GOLM2: variants seen among roughly 807,000 people sequenced by gnomAD.
The protein encoded by GOLM2 is protein GOLM2.
A neutral mutation model predicts 55.9 loss-of-function variants in GOLM2; 26 were observed. The ratio of observed to expected loss-of-function variants is 0.47; its 90% CI spans 0.34 to 0.65. The LOEUF (loss-of-function observed/expected upper bound fraction) is 0.65. Among genes scored for constraint, GOLM2 ranks in the 30% least tolerant of loss-of-function variants. The probability of loss-of-function intolerance (pLI) is 0.01; values close to 1 mark genes in which losing one functional copy is unlikely to be tolerated. For missense variants in GOLM2, 486 were observed against 531.8 expected, an observed-to-expected ratio of 0.91 and a Z score of 0.85; for synonymous variants, 165 against 194.6, an observed-to-expected ratio of 0.85 and a Z score of 1.27.
chr15:44,404,791 T>C (rs1266387403), intron 9 of GOLM2, among the ~76,000 whole-genome samples: 1 of 152,162 alleles, frequency 6.6e-6, no homozygotes, highest in Non-Finnish European at 1.5e-5. Flanking sequence ...CACAGTACTT[T>C]GCACATTGTC....
chr15:44,408,129 C>G (rs1237160524), intron 9 of GOLM2, among the ~76,000 whole-genome samples: 1 of 152,164 alleles, frequency 6.6e-6, no homozygotes, highest in African/African-American at 2.4e-5. Context: ...CTATGGATAT[C>G]TTTAAAATAT....
intron 5 of GOLM2, 46 bp downstream of exon 5, chr15:44,337,953 C>T: frequency 6.7e-7 from 1 of 1,498,478 alleles, no homozygotes; most frequent in Non-Finnish European, 9.0e-7. Context: ...AGGATATTGA[C>T]TTTTTCTTCC....
chr15:44,403,651 A>G (rs1051972978), intron 9 of GOLM2, among the ~76,000 whole-genome samples: 3 of 152,222 alleles, frequency 2.0e-5, no homozygotes, highest in African/African-American at 7.2e-5. Flanking sequence ...TAAATTGTTT[A>G]AAATGACTCT....
Position 44,413,643 on chromosome 15 carries a change from A to G in GOLM2, c.*237A>G. 2.5e-6 allele frequency: 1 copy of G among 406,432 alleles called. No homozygotes were observed. Among genetic ancestry groups the G allele is most frequent in the East Asian group, 4.3e-5 (1 of 23,278 alleles). The allele number at this position is 406,432 out of a possible 1,614,324, so 25.2% of individuals were successfully genotyped here. A position where few individuals can be genotyped will look rare whatever the true frequency, so the allele number is the denominator to read the frequency against. On this transcript the variant is annotated 3_prime_UTR_variant, in exon 10 of 10. Coordinates refer to ENST00000299957, the MANE Select transcript of GOLM2 (RefSeq NM_138423.4). ...GATACAGTTAAGCCAAAAACAGCTA[A>G]TCTTTGCATCTAAAGCAAACTAATG...
intron 6 of GOLM2, among the ~76,000 whole-genome samples, chr15:44,355,994 A>G (rs1426845854): frequency 2.0e-5 from 3 of 152,252 alleles, no homozygotes; most frequent in Non-Finnish European, 2.9e-5. Flanking sequence ...GGATCAAAGA[A>G]GAAATCTCAG....
At chr15:44,297,563 T>G (rs946838388) in intron 1 of GOLM2, among the ~76,000 whole-genome samples, 4 of 143,456 alleles carry the variant, frequency 2.8e-5, no homozygotes, top group South Asian at 2.4e-4. Flanking sequence ...TTTTTTTTTG[T>G]TTTTTTTTTT....
intron 1 of GOLM2, among the ~76,000 whole-genome samples, chr15:44,310,057 T>A (rs1225579286): frequency 6.6e-6 from 1 of 152,116 alleles, no homozygotes; most frequent in African/African-American, 2.4e-5. Flanking sequence ...CTAATTTTTG[T>A]ATTTTTTGTA....
At chr15:44,371,382 T>G (rs1354066894) in intron 6 of GOLM2, among the ~76,000 whole-genome samples, 2 of 152,210 alleles carry the variant, frequency 1.3e-5, no homozygotes, top group Non-Finnish European at 2.9e-5. Flanking sequence ...TTGTCCTTTT[T>G]AAATTAAATA....
At chr15:44,400,396 G>A (rs1041223400) in intron 8 of GOLM2, among the ~76,000 whole-genome samples, 5 of 151,112 alleles carry the variant, frequency 3.3e-5, no homozygotes, top group African/African-American at 9.7e-5. Context: ...TCAGTGAGCC[G>A]CAACCTCCGC....
At position 44,339,688 on chromosome 15, in the gene GOLM2, G is replaced by A. The variant is rs375516177; in HGVS notation, c.802+1371G>A. Among the ~76,000 whole-genome samples, 3 of 152,144 alleles carry A rather than the reference G, an allele frequency of 2.0e-5. No individual in the cohort carries two copies. In the East Asian group the frequency reaches 5.8e-4, roughly 29 times the overall value. ...CTCACTCTGTCACCCATGCTGGAGT[G>A]CAGTGGTGCAGTCATGGCTCACTGC... On this transcript the variant is annotated intron_variant, in intron 6 of 9. Coordinates refer to ENST00000299957, the MANE Select transcript of GOLM2 (RefSeq NM_138423.4).
chr15:44,411,156 G>A (rs1047447054), intron 9 of GOLM2, among the ~76,000 whole-genome samples: 8 of 151,092 alleles, frequency 5.3e-5, no homozygotes, highest in Admixed American at 4.0e-4. Flanking sequence ...TGAGTAGCTG[G>A]GACTACAGGT....
intron 1 of GOLM2, among the ~76,000 whole-genome samples, chr15:44,302,031 T>A (rs549209039): frequency 1.3e-5 from 2 of 152,000 alleles, no homozygotes; most frequent in East Asian, 3.9e-4. Flanking sequence ...GGAGCTAGAA[T>A]GAGTGTGATA....
chr15:44,323,553 T>G (rs1456783156), intron 2 of GOLM2, among the ~76,000 whole-genome samples: 1 of 151,238 alleles, frequency 6.6e-6, no homozygotes, highest in African/African-American at 2.4e-5. Flanking sequence ...AAAGAGGTAC[T>G]ACAGCTTTTA....
intron 6 of GOLM2, among the ~76,000 whole-genome samples, chr15:44,368,281 G>A (rs1039182055): frequency 6.6e-6 from 1 of 150,542 alleles, no homozygotes; most frequent in Non-Finnish European, 1.5e-5. Context: ...GGGATTACAG[G>A]CATGCACCAC....
At chr15:44,346,416 A>G (rs917750252) in intron 6 of GOLM2, among the ~76,000 whole-genome samples, 4 of 152,126 alleles carry the variant, frequency 2.6e-5, no homozygotes, top group Admixed American at 2.0e-4. Flanking sequence ...TCACTAGGTG[A>G]TTACATTATG....
At chr15:44,337,424 C>G (rs2141146014) in intron 4 of GOLM2, among the ~76,000 whole-genome samples, 1 of 152,056 alleles carries the variant, frequency 6.6e-6, no homozygotes, top group East Asian at 1.9e-4. Context: ...CCATAGCACC[C>G]AGGAAGATGC....
At chr15:44,317,381 A>C (rs180790970) in intron 1 of GOLM2, among the ~76,000 whole-genome samples, 2 of 152,332 alleles carry the variant, frequency 1.3e-5, no homozygotes, top group Non-Finnish European at 2.9e-5. Context: ...TGTCTCAAAA[A>C]AAGTGTTTTT....
chr15:44,323,094 G>A (rs2078961946), intron 2 of GOLM2, 75 bp downstream of exon 2: 2 of 961,808 alleles, frequency 2.1e-6, no homozygotes, highest in South Asian at 1.7e-5. Flanking sequence ...TTAAGAAATA[G>A]TAAATTAGCC....
At chr15:44,409,497 G>A (rs1237954880) in intron 9 of GOLM2, 1 of 148,718 alleles carries the variant, frequency 6.7e-6, no homozygotes, top group Non-Finnish European at 1.5e-5. Flanking sequence ...GCTGCGGCAG[G>A]AGAATTGCTG....
Sources: gnomAD v4.1 joint callset for allele counts (sites outside exome capture counted in the v4.1 genomes callset) on GRCh38, gnomAD v4.1.1 for gene constraint, MANE v1.5 for transcripts, NCBI Gene and HGNC (gene_info 2026-07-23, HGNC 2026-07-21) for gene names.